Variants in VTA1 observed in about 807,000 individuals in gnomAD.
VTA1 encodes vesicle trafficking 1, also known as vacuolar protein sorting-associated protein VTA1 homolog.
VTA1 carries 24 observed loss-of-function variants against 36.9 expected under a neutral mutation model. That is an observed-to-expected ratio of 0.65 (90% CI 0.47 to 0.91). The LOEUF (loss-of-function observed/expected upper bound fraction) is 0.91. Among genes scored for constraint, VTA1 ranks in the 40% least tolerant of loss-of-function variants. The probability of loss-of-function intolerance (pLI) is 0.00; values close to 1 mark genes in which losing one functional copy is unlikely to be tolerated. For missense variants in VTA1, 393 were observed against 377.2 expected (o/e 1.04, Z -0.35); for synonymous variants, 142 against 130.2 (o/e 1.09, Z -0.62).
At chr6:142,156,390 G>A (rs929987148) in intron 1 of VTA1, among the ~76,000 whole-genome samples, 1 of 152,170 alleles carries the variant, frequency 6.6e-6, no homozygotes, top group Non-Finnish European at 1.5e-5. Context: ...CCTAAGTGGA[G>A]AGTGGAAAAT....
intron 7 of VTA1, among the ~76,000 whole-genome samples, chr6:142,208,476 T>C (rs1775839866): frequency 6.6e-6 from 1 of 152,130 alleles, no homozygotes; most frequent in Non-Finnish European, 1.5e-5. Flanking sequence ...GCCATTGATG[T>C]TCAAGAGGGA....
chr6:142,156,386 T>C (rs918630272), intron 1 of VTA1, among the ~76,000 whole-genome samples: 1 of 152,088 alleles, frequency 6.6e-6, no homozygotes, highest in African/African-American at 2.4e-5. Flanking sequence ...TTCCCCTAAG[T>C]GGAGAGTGGA....
chr6:142,149,429 A>G (rs549212599), intron 1 of VTA1, among the ~76,000 whole-genome samples: 10 of 152,298 alleles, frequency 6.6e-5, no homozygotes, highest in African/African-American at 1.7e-4. Context: ...ATTTTTGACA[A>G]TCTGGTGGGT....
rs534969058 is a variant in VTA1 at position 142,224,084 on chromosome 6, G to A, written c.*5441G>A. The A allele has an allele frequency of 6.6e-6, 1 of 152,282 alleles. No individual in the cohort carries two copies. Among genetic ancestry groups the A allele is most frequent in the Non-Finnish European group, 1.5e-5 (1 of 68,046 alleles). 9.4% of individuals were successfully genotyped at this position (152,282 alleles called of 1,614,324 possible). On this transcript the variant is annotated 3_prime_UTR_variant, in exon 8 of 8. Transcript: ENST00000367630. ...TGTTCAGAGGCAGGTCCCATAGGGA[G>A]GCAATTAAGGTTACATGAGATCATA... is the stretch of plus-strand genomic sequence containing the variant.
chr6:142,169,860 C>T (rs1352348941), intron 3 of VTA1, among the ~76,000 whole-genome samples, 183 bp downstream of exon 3: 1 of 151,840 alleles, frequency 6.6e-6, no homozygotes, highest in Non-Finnish European at 1.5e-5. Flanking sequence ...AAGAAAATGG[C>T]TGAAAGAAGA....
chr6:142,201,317 T>TA (rs1446129929), intron 6 of VTA1, among the ~76,000 whole-genome samples: 1 of 151,948 alleles, frequency 6.6e-6, no homozygotes, highest in African/African-American at 2.4e-5. Context: ...TTCTCTCATA[T>TA]AAAGGTCCAG....
chr6:142,201,945 T>G (rs1294297828), intron 6 of VTA1, among the ~76,000 whole-genome samples: 1 of 151,988 alleles, frequency 6.6e-6, no homozygotes, highest in African/African-American at 2.4e-5. Context: ...AGAGATTTGT[T>G]TGGAGGATTT....
At chr6:142,164,162 T>G (rs548642727) in intron 1 of VTA1, among the ~76,000 whole-genome samples, 3 of 152,230 alleles carry the variant, frequency 2.0e-5, no homozygotes, top group Non-Finnish European at 4.4e-5. Context: ...TTTGGGAAAT[T>G]TTGGCAATAC....
intron 1 of VTA1, among the ~76,000 whole-genome samples, chr6:142,161,843 A>C (rs1179877549): frequency 6.6e-6 from 1 of 152,182 alleles, no homozygotes; most frequent in Non-Finnish European, 1.5e-5. Context: ...AAGTGAATTC[A>C]AGGAATTTTC....
At chr6:142,212,393 A>G (rs1775920700) in intron 7 of VTA1, among the ~76,000 whole-genome samples, 1 of 152,234 alleles carries the variant, frequency 6.6e-6, no homozygotes, top group African/African-American at 2.4e-5. Flanking sequence ...AATGCATATT[A>G]CAAAGTGAAA....
chr6:142,201,380 T>C (rs1385104099), intron 6 of VTA1, among the ~76,000 whole-genome samples: 1 of 151,938 alleles, frequency 6.6e-6, no homozygotes, highest in Non-Finnish European at 1.5e-5. Flanking sequence ...GAATAGTATG[T>C]ACTAATTTGC....
intron 1 of VTA1, among the ~76,000 whole-genome samples, chr6:142,161,307 A>G (rs1454208483): frequency 1.3e-5 from 2 of 152,092 alleles, no homozygotes; most frequent in African/African-American, 4.8e-5. Flanking sequence ...TATGTATTCT[A>G]TTGAGTGCCA....
rs765542635 is a variant in VTA1 at position 142,169,644 on chromosome 6, C to T, written c.302C>T (p.Ala101Val). The T allele has an allele frequency of 6.2e-7, 1 of 1,607,926 alleles. No homozygotes were observed. The highest frequency in any genetic ancestry group is 1.3e-5 in the African/African-American group (1 of 74,836). The change falls in exon 3 of 8, where the codon GCA (alanine) becomes GTA (valine). Residue 101 changes from alanine to valine, a missense_variant. Transcript: ENST00000367630. The stretch of plus-strand genomic sequence containing the variant: ...TATGCTTTGAAAATGTTTTTGTATG[C>T]AGACAATGAAGATCGTGCTGGACGA... ...ENYALKMFLYADNEDRAGRFH... is the reference protein window; with the variant it reads ...ENYALKMFLYVDNEDRAGRFH...
intron 1 of VTA1, among the ~76,000 whole-genome samples, chr6:142,150,063 A>G (rs181513797): frequency 6.6e-6 from 1 of 151,674 alleles, no homozygotes; most frequent in Admixed American, 6.6e-5. Context: ...TTTCTACTTT[A>G]ATTTTTTATT....
At chr6:142,203,937 TA>T in intron 6 of VTA1, 47 bp from the exon 7 acceptor site, 2 of 1,495,392 alleles carry the variant, frequency 1.3e-6, no homozygotes. Context: ...GCTGTATAAT[TA>T]AAAGGTGTAA....
At chr6:142,168,209 C>G (rs890913417) in intron 2 of VTA1, among the ~76,000 whole-genome samples, 5 of 152,100 alleles carry the variant, frequency 3.3e-5, no homozygotes, top group African/African-American at 1.2e-4. Flanking sequence ...ACAATGAAAT[C>G]TGCCTTTACA....
At chr6:142,196,850 G>GCAGA (rs1159525364) in intron 5 of VTA1, among the ~76,000 whole-genome samples, 1 of 151,994 alleles carries the variant, frequency 6.6e-6, no homozygotes, top group Non-Finnish European at 1.5e-5. Context: ...TCTTATTCCA[G>GCAGA]CAGACCATTG....
chr6:142,201,392 G>A (rs947079638), intron 6 of VTA1, among the ~76,000 whole-genome samples: 2 of 151,888 alleles, frequency 1.3e-5, no homozygotes, highest in Admixed American at 6.6e-5. Flanking sequence ...CTAATTTGCA[G>A]TTTTTAGTTC....
rs111412646 is a variant in VTA1, at chr6:142,206,914, C to G, written c.778+2849C>G. On this transcript the variant is annotated intron_variant, in intron 7 of 7. Transcript: ENST00000367630. ...ACAGCAAAAAAAGTGAATCTAGACACAGACCTTCCACTCATCTCAAAATTT... is the reference window on the plus strand; with the variant it reads ...ACAGCAAAAAAAGTGAATCTAGACAGAGACCTTCCACTCATCTCAAAATTT... Among the ~76,000 whole-genome samples the G allele has an allele frequency of 1.1e-3, 172 of 152,332 alleles. 1 individual carries two copies. Among genetic ancestry groups the G allele is most frequent in the African/African-American group, 3.0e-3 (126 of 41,580 alleles).
Sources: gnomAD v4.1 joint callset for allele counts (sites outside exome capture counted in the v4.1 genomes callset) on GRCh38, gnomAD v4.1.1 for gene constraint, MANE v1.5 for transcripts, NCBI Gene and HGNC (gene_info 2026-07-23, HGNC 2026-07-21) for gene names.